RAI14: variants seen among roughly 807,000 people sequenced by gnomAD.
RAI14 encodes retinoic acid induced 14.
A neutral mutation model predicts 115.4 loss-of-function variants in RAI14; 45 were observed. The ratio of observed to expected loss-of-function variants is 0.39; its 90% CI spans 0.31 to 0.50. The LOEUF (loss-of-function observed/expected upper bound fraction) is 0.50. Among genes scored for constraint, RAI14 ranks in the 20% least tolerant of loss-of-function variants. The pLI, the probability that RAI14 is intolerant of heterozygous loss-of-function variation, is 0.85. For synonymous variants in RAI14, 371 were observed against 415.4 expected (o/e 0.89, Z 1.30); for missense variants, 939 against 1,131.2 (o/e 0.83, Z 2.44).
intron 2 of RAI14, chr5:34,687,758 A>G (rs1579909804): frequency 1.3e-6 from 2 of 1,544,268 alleles, no homozygotes; most frequent in East Asian, 2.4e-5. Flanking sequence ...TTCAGCTATC[A>G]TTTCAGGCGA....
chr5:34,792,476 C>T (rs927650134), intron 3 of RAI14, among the ~76,000 whole-genome samples: 4 of 151,974 alleles, frequency 2.6e-5, no homozygotes, highest in Non-Finnish European at 4.4e-5. Context: ...CCTCGTGATC[C>T]GCCCACCTCG....
At chr5:34,784,998 G>C (rs938708873) in intron 3 of RAI14, among the ~76,000 whole-genome samples, 2 of 152,174 alleles carry the variant, frequency 1.3e-5, no homozygotes, top group African/African-American at 4.8e-5. Flanking sequence ...GTCTCCATAG[G>C]TTGTATAACT....
chr5:34,738,783 G>A (rs1580086370), intron 2 of RAI14, among the ~76,000 whole-genome samples: 1 of 152,196 alleles, frequency 6.6e-6, no homozygotes, highest in Non-Finnish European at 1.5e-5. Context: ...TTTCTAGCTT[G>A]AGGATACCAT....
At chr5:34,830,292 A>G (rs1580391680) in intron 17 of RAI14, among the ~76,000 whole-genome samples, 1 of 152,236 alleles carries the variant, frequency 6.6e-6, no homozygotes, top group East Asian at 1.9e-4. Context: ...CCCTCCCATC[A>G]TTTATTGAGG....
At chr5:34,766,368 C>T (rs192383621) in intron 3 of RAI14, among the ~76,000 whole-genome samples, 50 of 152,204 alleles carry the variant, frequency 3.3e-4, no homozygotes, top group African/African-American at 1.2e-3. Context: ...GCCACAGGGG[C>T]GGAGCTGCAC....
chr5:34,828,588 TG>T (rs1561098382), intron 16 of RAI14, among the ~76,000 whole-genome samples: 1 of 152,004 alleles, frequency 6.6e-6, no homozygotes, highest in South Asian at 2.1e-4. Flanking sequence ...CTGACACTGA[TG>T]GGGGGAAGGA....
chr5:34,687,481 C>T, intron 2 of RAI14: 2 of 1,186,628 alleles, frequency 1.7e-6, no homozygotes, highest in Non-Finnish European at 2.2e-6. Flanking sequence ...GTTATCTAAC[C>T]AATCCATAAA....
chr5:34,728,245 C>T (rs1474907852), intron 2 of RAI14, among the ~76,000 whole-genome samples: 1 of 152,146 alleles, frequency 6.6e-6, no homozygotes, highest in African/African-American at 2.4e-5. Context: ...ATGGAAGGGA[C>T]TTGTCTTGTC....
intron 2 of RAI14, among the ~76,000 whole-genome samples, chr5:34,714,659 T>C (rs1433326832): frequency 6.6e-6 from 1 of 152,220 alleles, no homozygotes. Context: ...GAATAAAATA[T>C]CAGCAGGAAT....
chr5:34,662,086 G>C (rs528407325), intron 1 of RAI14, among the ~76,000 whole-genome samples: 29 of 152,232 alleles, frequency 1.9e-4, no homozygotes, highest in Admixed American at 1.1e-3. Context: ...ACTGCCCCCG[G>C]TCCACACTGC....
chr5:34,779,588 G>A, intron 3 of RAI14, among the ~76,000 whole-genome samples: 1 of 151,998 alleles, frequency 6.6e-6, no homozygotes, highest in Non-Finnish European at 1.5e-5. Context: ...AACAGACAGA[G>A]AGCCAAACCA....
intron 7 of RAI14, among the ~76,000 whole-genome samples, chr5:34,808,993 A>G (rs1329665058): frequency 6.6e-6 from 1 of 152,212 alleles, no homozygotes; most frequent in Non-Finnish European, 1.5e-5. Flanking sequence ...CTGTGCAGCC[A>G]GATCCTAACA....
intron 3 of RAI14, among the ~76,000 whole-genome samples, chr5:34,775,318 A>AAAT (rs1419927166): frequency 1.3e-5 from 2 of 152,240 alleles, no homozygotes; most frequent in African/African-American, 4.8e-5. Context: ...ATCAGCAAAG[A>AAAT]GATAACCCAC....
At position 34,823,626 on chromosome 5, in the gene RAI14, C is replaced by G. The variant is rs753773192; in HGVS notation, c.1784C>G (p.Ala595Gly). The change falls in exon 15 of 18, where the codon GCA becomes GGA. Residue 595 changes from alanine (A) to glycine (G), a missense_variant. Ala to Gly is a moderately conservative substitution (Grantham distance 60). Coordinates refer to ENST00000265109, the MANE Select transcript of RAI14 (RefSeq NM_015577.3). The surrounding 1 kb of genome is among the most constrained non-coding windows in gnomAD (Gnocchi z 4.5). ...SVIENMNKEK[A>G]FLFEKYQEAQ... is the part of the protein sequence containing the mutation. ...ATTGAGAATATGAATAAGGAGAAAG[C>G]ATTTTTGTTTGAGAAATACCAAGAA... The G allele has an allele frequency of 3.1e-6, 5 of 1,613,778 alleles. No individual in the cohort carries two copies. In the African/African-American group the frequency reaches 5.3e-5, roughly 17 times the overall value.
Position 34,832,539 on chromosome 5 carries a change from T to C in RAI14, c.*1774T>C, listed in dbSNP as rs138627538. 2 of 152,786 alleles carry C rather than the reference T, an allele frequency of 1.3e-5. No homozygotes were observed. The highest frequency in any genetic ancestry group is 4.8e-5 in the African/African-American group (2 of 41,592). 9.5% of individuals were successfully genotyped at this position (152,786 alleles called of 1,614,324 possible). On this transcript the variant is annotated 3_prime_UTR_variant, in exon 18 of 18. Transcript: ENST00000265109. The stretch of plus-strand genomic sequence containing the variant: ...TCTGGTTAAATATTGAAAAGTTATA[T>C]GCTGTAGTTTTTAGTATTTTGTCTT...
In RAI14 at chr5:34,774,765, A is replaced by T. The variant is rs143496555; in HGVS notation, c.167+17167A>T. ...ATTTTTCACAGAAATAGAAAAAAAAAAAACCTAAAGTTCATATGAACCCAC... is the reference window on the plus strand; with the variant it reads ...ATTTTTCACAGAAATAGAAAAAAAATAAACCTAAAGTTCATATGAACCCAC... On this transcript the variant is annotated intron_variant, in intron 3 of 17. Transcript: ENST00000265109. Among the ~76,000 whole-genome samples, 482 of 152,062 alleles carry T rather than the reference A, an allele frequency of 3.2e-3. 4 individuals are homozygous for T. The highest frequency in any genetic ancestry group is 6.7e-3 in the Admixed American group (103 of 15,278).
At position 34,823,785 on chromosome 5, in the gene RAI14, T is replaced by C; in HGVS notation, c.1943T>C (p.Leu648Pro). Residue 648 changes from leucine to proline, a missense_variant, in exon 15 of 18, where the codon CTG (leucine) becomes CCG (proline). By Grantham distance (98) the Leu-to-Pro change is moderately conservative (BLOSUM62 -3). Transcript: ENST00000265109. The surrounding 1 kb of genome is among the most constrained non-coding windows in gnomAD (Gnocchi z 4.5). ...IDELNKQVSELSQLYKEAQAE... is the reference protein window; with the variant it reads ...IDELNKQVSEPSQLYKEAQAE... ...GAACTCAATAAACAGGTGAGCGAGC[T>C]GTCACAGCTGTACAAAGAAGCCCAG... 6.2e-7 allele frequency: 1 copy of C among 1,614,138 alleles called. No homozygotes were observed. Among genetic ancestry groups the C allele is most frequent in the Non-Finnish European group, 8.5e-7 (1 of 1,180,020 alleles).
chr5:34,723,479 A>G (rs1391052521), intron 2 of RAI14, among the ~76,000 whole-genome samples: 1 of 152,144 alleles, frequency 6.6e-6, no homozygotes, highest in African/African-American at 2.4e-5. Flanking sequence ...TACATTATGG[A>G]AGGTGCTCCT....
chr5:34,767,886 G>A (rs1749624507), intron 3 of RAI14, among the ~76,000 whole-genome samples: 1 of 151,556 alleles, frequency 6.6e-6, no homozygotes. Flanking sequence ...CACCGGGCTA[G>A]GTTCTCATGG....
Sources: allele counts gnomAD v4.1 joint callset (sites outside exome capture counted in the v4.1 genomes callset), GRCh38; gene constraint gnomAD v4.1.1; non-coding constraint Gnocchi (gnomAD v3.1); transcripts MANE v1.5; gene names NCBI Gene and HGNC (gene_info 2026-07-23, HGNC 2026-07-21).